LGSN: variants seen among roughly 807,000 people sequenced by gnomAD.
LGSN encodes the protein lengsin.
A neutral mutation model predicts 19.5 loss-of-function variants in LGSN; 21 were observed. The ratio of observed to expected loss-of-function variants is 1.07; its 90% confidence interval spans 0.76 to 1.55. LGSN has a LOEUF of 1.55. LGSN is among the 40% of genes most tolerant of loss of function. LGSN has a pLI of 0.00. For synonymous variants in LGSN, 257 were observed against 215.6 expected, an observed-to-expected ratio of 1.19 and a Z score of -1.68; for missense variants, 673 against 608.5, an observed-to-expected ratio of 1.11 and a Z score of -1.12.
the LGSN span, among the ~76,000 whole-genome samples, chr6:63,373,025 T>C: frequency 6.6e-6 from 1 of 152,188 alleles, no homozygotes; most frequent in Non-Finnish European, 1.5e-5. Flanking sequence ...CTCTGTTACA[T>C]TAACTGCACT....
chr6:63,566,685 G>T, the LGSN span, among the ~76,000 whole-genome samples: 1 of 152,200 alleles, frequency 6.6e-6, no homozygotes, highest in African/African-American at 2.4e-5. Context: ...TGATCAGGGA[G>T]GTAGTTGCTG....
At chr6:63,313,867 AATACATAC>A (rs1187994076) in intron 1 of LGSN, among the ~76,000 whole-genome samples, 172 of 88,936 alleles carry the variant, frequency 1.9e-3, no homozygotes, top group Non-Finnish European at 2.6e-3. Context: ...TAAATAAATA[AATACATAC>A]ATACATACAT....
the LGSN span, among the ~76,000 whole-genome samples, chr6:63,419,724 C>T: frequency 6.6e-6 from 1 of 150,598 alleles, no homozygotes; most frequent in Non-Finnish European, 1.5e-5. Flanking sequence ...CCCGTCTCTA[C>T]TAAAAATACA....
chr6:63,558,840 A>G, the LGSN span, among the ~76,000 whole-genome samples: 2 of 152,230 alleles, frequency 1.3e-5, no homozygotes, highest in Non-Finnish European at 2.9e-5. Context: ...CCCCCATAAG[A>G]GAGTTTCAAG....
chr6:63,280,336 T>C lies in LGSN; in HGVS notation c.1215A>G (p.Ile405Met). The C allele has an allele frequency of 2.5e-6, 4 of 1,614,242 alleles. No individual in the cohort carries two copies. The highest frequency in any genetic ancestry group is 1.1e-5 in the South Asian group (1 of 91,088). The change falls in exon 4 of 4, where the codon ATA becomes ATG. Residue 405 changes from isoleucine (I) to methionine (M), a missense_variant. Transcript: ENST00000370657. ...IKCHGEKGTR[I>M]ENKLGSATAN... is the part of the protein sequence containing the mutation. ...CTGTTGCTGAGCCTAGTTTATTTTC[T>C]ATCCGGGTGCCTTTCTCTCCATGAC...
the LGSN span, among the ~76,000 whole-genome samples, chr6:63,437,516 T>C: frequency 0.016 from 2,478 of 152,192 alleles, 72 homozygotes; most frequent in African/African-American, 0.056. Flanking sequence ...TTGACTCTAG[T>C]GAAGAAAAGG....
chr6:63,531,320 C>T, the LGSN span, among the ~76,000 whole-genome samples: 2 of 152,058 alleles, frequency 1.3e-5, no homozygotes, highest in African/African-American at 2.4e-5. Flanking sequence ...TTTGTGAGGC[C>T]TGTAACATTT....
chr6:63,551,607 T>C, the LGSN span, among the ~76,000 whole-genome samples: 2 of 152,168 alleles, frequency 1.3e-5, no homozygotes, highest in African/African-American at 2.4e-5. Context: ...TACATATGTA[T>C]ACATGTGCCA....
At chr6:63,538,177 G>T in the LGSN span, among the ~76,000 whole-genome samples, 3 of 152,244 alleles carry the variant, frequency 2.0e-5, no homozygotes, top group African/African-American at 7.2e-5. Context: ...TATGAGCCTT[G>T]GTGTTTACCA....
intron 1 of LGSN, among the ~76,000 whole-genome samples, chr6:63,309,103 C>T (rs186581046): frequency 2.2e-4 from 34 of 152,224 alleles, no homozygotes; most frequent in Admixed American, 1.8e-3. Flanking sequence ...GTTAAATACA[C>T]GTGGCAATTC....
At chr6:63,521,718 T>C in the LGSN span, 1 of 152,176 alleles carries the variant, frequency 6.6e-6, no homozygotes, top group Admixed American at 6.6e-5. Flanking sequence ...ACAGATAGAC[T>C]TAAGCTCCTG....
At chr6:63,387,570 G>A in the LGSN span, among the ~76,000 whole-genome samples, 2 of 152,052 alleles carry the variant, frequency 1.3e-5, no homozygotes, top group Admixed American at 1.3e-4. Flanking sequence ...AGGGACAACT[G>A]TATTCACAGA....
At chr6:63,506,423 C>T in the LGSN span, among the ~76,000 whole-genome samples, 3 of 152,044 alleles carry the variant, frequency 2.0e-5, no homozygotes, top group East Asian at 5.8e-4. Flanking sequence ...ACCACCACGC[C>T]CGGCTAATTT....
chr6:63,300,558 C>T (rs1183977740), intron 1 of LGSN, among the ~76,000 whole-genome samples: 7 of 151,616 alleles, frequency 4.6e-5, no homozygotes, highest in South Asian at 4.2e-4. Flanking sequence ...CCCAGCTACT[C>T]GGGAGGCTGA....
the LGSN span, among the ~76,000 whole-genome samples, chr6:63,433,168 G>A: frequency 2.0e-5 from 3 of 151,678 alleles, no homozygotes; most frequent in African/African-American, 7.3e-5. Context: ...GGGGAAAGTT[G>A]GGGGGGTGGT....
the LGSN span, among the ~76,000 whole-genome samples, chr6:63,343,339 A>C: frequency 6.6e-6 from 1 of 152,216 alleles, no homozygotes; most frequent in African/African-American, 2.4e-5. Context: ...CTGCCATTTA[A>C]GAGTTCCTAT....
chr6:63,281,304 A>AAAAAATAT (rs1472299320), intron 3 of LGSN, 84 bp from the exon 4 acceptor site: 1 of 135,444 alleles, frequency 7.4e-6, no homozygotes, highest in South Asian at 1.6e-4. Flanking sequence ...TGCTAATGAA[A>AAAAAATAT]ATATATATAT....
chr6:63,428,025 T>G, the LGSN span, among the ~76,000 whole-genome samples: 4 of 152,170 alleles, frequency 2.6e-5, no homozygotes, highest in African/African-American at 9.7e-5. Context: ...TAAATTACGC[T>G]GTTTTTATCA....
intron 1 of LGSN, among the ~76,000 whole-genome samples, chr6:63,309,238 C>G (rs991561629): frequency 6.6e-6 from 1 of 152,118 alleles, no homozygotes; most frequent in Non-Finnish European, 1.5e-5. Flanking sequence ...TTGAGACCAG[C>G]CTGGCCAACA....
Sources: gnomAD v4.1 joint callset for allele counts (sites outside exome capture counted in the v4.1 genomes callset) on GRCh38, gnomAD v4.1.1 for gene constraint, MANE v1.5 for transcripts, NCBI Gene and HGNC (gene_info 2026-07-23, HGNC 2026-07-21) for gene names.